ACVR1: variants seen among roughly 807,000 people sequenced by gnomAD.
ACVR1 encodes activin receptor type-1.
ACVR1 carries 38 observed loss-of-function variants against 57.1 expected under a neutral mutation model. The observed-to-expected ratio is 0.67, with a 90% CI of 0.51 to 0.87. The LOEUF is 0.87. ACVR1 is among the 40% of genes least tolerant of loss of function. The pLI, the probability that ACVR1 is intolerant of heterozygous loss-of-function variation, is 0.00. For synonymous variants in ACVR1, 212 were observed against 228.1 expected (o/e 0.93, Z 0.63); for missense variants, 463 against 638.2 (o/e 0.73, Z 2.96).
At chr2:157,815,835 C>T (rs1030146854) in intron 2 of ACVR1, among the ~76,000 whole-genome samples, 1 of 152,202 alleles carries the variant, frequency 6.6e-6, no homozygotes, top group African/African-American at 2.4e-5. Context: ...CGTGCATCGT[C>T]TGCCTTGGAA....
At chr2:157,772,738 C>T (rs1032733400) in intron 6 of ACVR1, among the ~76,000 whole-genome samples, 9 of 152,188 alleles carry the variant, frequency 5.9e-5, no homozygotes, top group African/African-American at 2.2e-4. Flanking sequence ...CTAGTTAGTA[C>T]AAGAGGACAA....
intron 2 of ACVR1, among the ~76,000 whole-genome samples, chr2:157,805,820 C>CTTT (rs1222482675): frequency 1.5e-3 from 46 of 30,168 alleles, no homozygotes; most frequent in African/African-American, 2.0e-3. Flanking sequence ...TTTCTTTTTT[C>CTTT]TTTTTTTTTT....
chr2:157,815,566 G>T (rs573868810), intron 2 of ACVR1, among the ~76,000 whole-genome samples: 2 of 152,138 alleles, frequency 1.3e-5, no homozygotes, highest in Non-Finnish European at 2.9e-5. Flanking sequence ...AATCACAGGG[G>T]TAGCAATTAA....
chr2:157,780,624 GAAA>G (rs77640967), intron 3 of ACVR1, 24 bp from the exon 4 acceptor site: 213 of 1,226,224 alleles, frequency 1.7e-4, no homozygotes, highest in South Asian at 5.9e-4. Context: ...AAAGGAAGGG[GAAA>G]AAAAAAAAAA....
chr2:157,770,584 ATAAT>A, intron 6 of ACVR1, 70 bp from the exon 7 acceptor site: 1 of 1,533,016 alleles, frequency 6.5e-7, no homozygotes, highest in Non-Finnish European at 9.0e-7. Flanking sequence ...ATCATTAAGA[ATAAT>A]TAATTTAGTG....
chr2:157,834,844 G>A (rs1026411844), intron 1 of ACVR1, among the ~76,000 whole-genome samples: 7 of 152,052 alleles, frequency 4.6e-5, no homozygotes, highest in Non-Finnish European at 1.0e-4. Flanking sequence ...GAGTGCCCCT[G>A]TGGATTTAGT....
At chr2:157,796,221 C>CA (rs71404304) in intron 3 of ACVR1, among the ~76,000 whole-genome samples, 75,787 of 119,730 alleles carry the variant, frequency 0.63, 25,730 homozygotes, top group East Asian at 0.87. Context: ...GACTCTGCCT[C>CA]AAAAAAAAAA....
At chr2:157,791,102 C>T (rs1214828469) in intron 3 of ACVR1, among the ~76,000 whole-genome samples, 2 of 152,226 alleles carry the variant, frequency 1.3e-5, no homozygotes, top group East Asian at 1.9e-4. Context: ...CAGCCCCAAA[C>T]CCAGCTCCAT....
At chr2:157,842,759 C>A (rs1266664720) in intron 1 of ACVR1, among the ~76,000 whole-genome samples, 4 of 152,130 alleles carry the variant, frequency 2.6e-5, no homozygotes, top group African/African-American at 9.7e-5. Flanking sequence ...CTGAAAATTT[C>A]AGAAATAATC....
At chr2:157,763,358 A>T (rs1385345494) in intron 8 of ACVR1, among the ~76,000 whole-genome samples, 2 of 152,230 alleles carry the variant, frequency 1.3e-5, no homozygotes, top group African/African-American at 4.8e-5. Context: ...ACAAAGTTTT[A>T]ACAATTATTG....
chr2:157,802,330 T>C (rs1392226821), intron 2 of ACVR1, among the ~76,000 whole-genome samples: 2 of 151,812 alleles, frequency 1.3e-5, no homozygotes, highest in Admixed American at 6.6e-5. Context: ...AACCTCAGGA[T>C]TGAAAAAACG....
chr2:157,832,636 G>A (rs796315760), intron 1 of ACVR1, among the ~76,000 whole-genome samples: 1 of 146,874 alleles, frequency 6.8e-6, no homozygotes, highest in African/African-American at 2.6e-5. Context: ...CTCCTCAAGT[G>A]TCACTCAGCA....
intron 9 of ACVR1, among the ~76,000 whole-genome samples, chr2:157,744,259 G>A (rs1304645671): frequency 5.3e-5 from 8 of 152,118 alleles, no homozygotes; most frequent in African/African-American, 1.2e-4. Context: ...CTACAGAAGC[G>A]CTGAAATCCT....
At chr2:157,848,773 G>T (rs1235737527) in intron 1 of ACVR1, among the ~76,000 whole-genome samples, 1 of 152,146 alleles carries the variant, frequency 6.6e-6, no homozygotes, top group Non-Finnish European at 1.5e-5. Context: ...AATATTTCTT[G>T]TATCTATATA....
intron 1 of ACVR1, among the ~76,000 whole-genome samples, chr2:157,828,348 A>G (rs1410760754): frequency 1.3e-5 from 2 of 150,312 alleles, no homozygotes; most frequent in Non-Finnish European, 3.0e-5. Context: ...TACTCGGGAG[A>G]CTGAGGCGGG....
At chr2:157,860,161 G>C (rs1689673754) in intron 1 of ACVR1, 1 of 152,164 alleles carries the variant, frequency 6.6e-6, no homozygotes, top group Non-Finnish European at 1.5e-5. Context: ...GGAATTGAAG[G>C]AAAGAAGGCT....
chr2:157,825,068 C>T (rs1240572019), intron 1 of ACVR1, among the ~76,000 whole-genome samples: 1 of 152,150 alleles, frequency 6.6e-6, no homozygotes, highest in Non-Finnish European at 1.5e-5. Flanking sequence ...TCTCTCTCTT[C>T]TTTATTCCTG....
intron 1 of ACVR1, among the ~76,000 whole-genome samples, chr2:157,842,538 C>T (rs947923178): frequency 1.3e-5 from 2 of 152,138 alleles, no homozygotes; most frequent in African/African-American, 4.8e-5. Flanking sequence ...TTTCATGCAT[C>T]CAGCCCTGTA....
chr2:157,795,339 T>C (rs1687066743), intron 3 of ACVR1, among the ~76,000 whole-genome samples: 1 of 151,430 alleles, frequency 6.6e-6, no homozygotes, highest in African/African-American at 2.4e-5. Context: ...TTTTAAAATT[T>C]TCCTACTAAA....
Sources: gnomAD v4.1 joint callset for allele counts (sites outside exome capture counted in the v4.1 genomes callset) on GRCh38, gnomAD v4.1.1 for gene constraint, MANE v1.5 for transcripts, NCBI Gene and HGNC (gene_info 2026-07-23, HGNC 2026-07-21) for gene names.